The following TXNDC8 variants were observed in gnomAD, a reference collection of about 807,000 sequenced individuals.
TXNDC8 encodes thioredoxin domain-containing protein 8.
Under a neutral mutation model 12.9 loss-of-function variants are expected in TXNDC8, and 15 were observed. The ratio of observed to expected loss-of-function variants is 1.16; its 90% CI spans 0.78 to 1.79. The LOEUF (loss-of-function observed/expected upper bound fraction) is 1.79, where lower values mean the gene tolerates loss of function less well. Ranked by LOEUF, TXNDC8 falls within the 40% of genes most tolerant of loss-of-function variation. TXNDC8 has a pLI of 0.00. For missense variants in TXNDC8, 128 were observed against 113.2 expected, an observed-to-expected ratio of 1.13 and a Z score of -0.59; for synonymous variants, 40 against 35.4, an observed-to-expected ratio of 1.13 and a Z score of -0.46.
intron 3 of TXNDC8, chr9:110,323,917 G>A: frequency 6.4e-7 from 1 of 1,551,000 alleles, no homozygotes. Context: ...GCTCTGGTTT[G>A]ACTTGGATTG....
chr9:110,327,284 T>G (rs1839360416), intron 2 of TXNDC8, among the ~76,000 whole-genome samples: 1 of 151,948 alleles, frequency 6.6e-6, no homozygotes, highest in Non-Finnish European at 1.5e-5. Context: ...AAATGGAAAT[T>G]TTGTTTACAC....
intron 2 of TXNDC8, among the ~76,000 whole-genome samples, chr9:110,327,946 A>G (rs1324436947): frequency 6.6e-6 from 1 of 152,176 alleles, no homozygotes; most frequent in Non-Finnish European, 1.5e-5. Context: ...TTCTGAATTT[A>G]TAGGTTATGA....
chr9:110,305,561 TCTTTCTTTC>T (rs1422219790), intron 3 of TXNDC8, among the ~76,000 whole-genome samples: 1 of 127,834 alleles, frequency 7.8e-6, no homozygotes, highest in African/African-American at 3.4e-5. Context: ...TTTCTTTCTT[TCTTTCTTTC>T]TTTCTTTCTT....
At chr9:110,311,055 T>C (rs181481827) in intron 3 of TXNDC8, among the ~76,000 whole-genome samples, 2 of 152,340 alleles carry the variant, frequency 1.3e-5, no homozygotes, top group African/African-American at 4.8e-5. Context: ...ATAAACTAAG[T>C]TCCTCCCAAA....
At chr9:110,331,187 T>G (rs1238993868) in intron 2 of TXNDC8, among the ~76,000 whole-genome samples, 1 of 152,190 alleles carries the variant, frequency 6.6e-6, no homozygotes, top group Non-Finnish European at 1.5e-5. Flanking sequence ...TTCTTCTTCT[T>G]TTTTGGTGGA....
chr9:110,304,384 A>G (rs1838345041), intron 4 of TXNDC8, 83 bp downstream of exon 5: 1 of 1,258,770 alleles, frequency 7.9e-7, no homozygotes, highest in African/African-American at 1.5e-5. Context: ...AGGCAGCAGC[A>G]TTCTGCCTGA....
intron 3 of TXNDC8, among the ~76,000 whole-genome samples, chr9:110,320,663 C>T (rs17733476): frequency 0.11 from 16,472 of 152,128 alleles, 1,022 homozygotes; most frequent in Admixed American, 0.15. Flanking sequence ...TTCTTTTGTC[C>T]GGATGGAGAC....
chr9:110,331,678 C>T (rs1259343370), intron 2 of TXNDC8, among the ~76,000 whole-genome samples: 1 of 152,162 alleles, frequency 6.6e-6, no homozygotes, highest in East Asian at 1.9e-4. Flanking sequence ...CAGGATGAAA[C>T]TGTTCCACCT....
At chr9:110,314,430 TCTTTTTTC>T (rs772713857) in intron 3 of TXNDC8, among the ~76,000 whole-genome samples, 53 of 131,334 alleles carry the variant, frequency 4.0e-4, no homozygotes, top group African/African-American at 4.8e-4. Context: ...TTTTTCTTTT[TCTTTTTTC>T]TTTTTTTTTT....
At chr9:110,323,007 A>G (rs542619784) in intron 3 of TXNDC8, 4 of 985,436 alleles carry the variant, frequency 4.1e-6, no homozygotes, top group South Asian at 4.7e-5. Context: ...GGTCAAAATT[A>G]TGGAGAAACT....
At chr9:110,336,070 G>C (rs898416390) in intron 1 of TXNDC8, among the ~76,000 whole-genome samples, 4 of 152,180 alleles carry the variant, frequency 2.6e-5, no homozygotes, top group Admixed American at 2.6e-4. Flanking sequence ...TGCACACGCT[G>C]TCTTGCCTGC....
intron 1 of TXNDC8, among the ~76,000 whole-genome samples, chr9:110,335,300 G>A (rs891398269): frequency 2.6e-5 from 4 of 151,932 alleles, no homozygotes; most frequent in Non-Finnish European, 5.9e-5. Context: ...GTAGCGGTGC[G>A]ATCTCAGCTC....
chr9:110,319,893 G>T (rs1225317802), intron 3 of TXNDC8, among the ~76,000 whole-genome samples: 1 of 152,074 alleles, frequency 6.6e-6, no homozygotes, highest in African/African-American at 2.4e-5. Context: ...TATAATCTCA[G>T]CAAGAGCCCT....
At chr9:110,323,928 G>T in intron 3 of TXNDC8, 7 of 1,551,018 alleles carry the variant, frequency 4.5e-6, no homozygotes, top group Non-Finnish European at 6.1e-6. Flanking sequence ...ACTTGGATTG[G>T]CTTGACTGGA....
At chr9:110,305,541 TTTC>T (rs890774614) in intron 3 of TXNDC8, among the ~76,000 whole-genome samples, 2 of 142,574 alleles carry the variant, frequency 1.4e-5, no homozygotes, top group African/African-American at 5.4e-5. Context: ...CTGCATGTAT[TTTC>T]TTTTTCTTTC....
chr9:110,334,299 T>G lies in TXNDC8; in HGVS notation c.46A>C (p.Thr16Pro), dbSNP rs1215504136. ...ACTGCGAGTTTGTGTCCGGCAGCTG[T>G]CAAAAATGTTTTAAATTCATTCTGA... Residue 16 changes from threonine (T) to proline (P), a missense_variant, in exon 2 of 5, where the codon ACA becomes CCA. Transcript: ENST00000423740. 1 of 1,613,472 alleles carries G rather than the reference T, an allele frequency of 6.2e-7. No homozygotes were observed. Among genetic ancestry groups the G allele is most frequent in the South Asian group, 1.1e-5 (1 of 91,066 alleles).
intron 3 of TXNDC8, among the ~76,000 whole-genome samples, chr9:110,321,558 A>T (rs747144248): frequency 2.0e-5 from 3 of 152,200 alleles, no homozygotes; most frequent in Non-Finnish European, 4.4e-5. Context: ...ATAATAAAGG[A>T]CACACAGTAC....
At chr9:110,317,920 G>A (rs953981144) in intron 3 of TXNDC8, among the ~76,000 whole-genome samples, 2 of 152,172 alleles carry the variant, frequency 1.3e-5, no homozygotes, top group African/African-American at 4.8e-5. Flanking sequence ...GGTGATTGAC[G>A]GACTTTGTTA....
At chr9:110,331,632 AT>A (rs113644554) in intron 2 of TXNDC8, among the ~76,000 whole-genome samples, 2 of 152,002 alleles carry the variant, frequency 1.3e-5, no homozygotes, top group Non-Finnish European at 2.9e-5. Flanking sequence ...CATGGAAGAC[AT>A]TTTTTTCCCC....
Sources: allele counts gnomAD v4.1 joint callset (sites outside exome capture counted in the v4.1 genomes callset), GRCh38; gene constraint gnomAD v4.1.1; transcripts MANE v1.5; gene names NCBI Gene and HGNC (gene_info 2026-07-23, HGNC 2026-07-21).